Variants in TCF12 observed in about 807,000 individuals in gnomAD.
TCF12 encodes the protein transcription factor 12.
A neutral mutation model predicts 86.0 loss-of-function variants in TCF12; 45 were observed. That is an observed-to-expected ratio of 0.52 (90% CI 0.41 to 0.67). The LOEUF is 0.67. Ranked by LOEUF, TCF12 falls within the 30% of genes least tolerant of loss-of-function variation. The pLI, the probability that TCF12 is intolerant of heterozygous loss-of-function variation, is 0.00. For synonymous variants in TCF12, 330 were observed against 299.6 expected (o/e 1.10, Z -1.05); for missense variants, 881 against 859.9 (o/e 1.02, Z -0.31).
intron 6 of TCF12, among the ~76,000 whole-genome samples, chr15:57,170,791 AAT>A (rs1567560184): frequency 4.5e-5 from 1 of 22,366 alleles, no homozygotes; most frequent in Non-Finnish European, 8.2e-5. Context: ...ATATATATAT[AAT>A]ATATATATAT....
At position 57,170,616 on chromosome 15, in the gene TCF12, G is replaced by T. The variant is rs574994406; in HGVS notation, c.390+4150G>T. Among the ~76,000 whole-genome samples the T allele has an allele frequency of 1.7e-3, 191 of 113,346 alleles. 1 individual carries two copies. Among genetic ancestry groups the T allele is most frequent in the African/African-American group, 7.0e-3 (183 of 26,282 alleles). The allele number at this position is 113,346 out of a possible 152,430, so 74.4% of individuals were successfully genotyped here. A position where few individuals can be genotyped will look rare whatever the true frequency, so the allele number is the denominator to read the frequency against. ...GGGACTGCAGGCATGCAGCCGCCAT[G>T]CCCTGCTAATTTTATATATATATAT... is the stretch of plus-strand genomic sequence containing the variant. On this transcript the variant is annotated intron_variant, in intron 6 of 20. Transcript: ENST00000333725.
chr15:56,945,995 A>T (rs1179702498), intron 3 of TCF12, among the ~76,000 whole-genome samples: 1 of 152,150 alleles, frequency 6.6e-6, no homozygotes, highest in Non-Finnish European at 1.5e-5. Flanking sequence ...TAGCACCTTA[A>T]TGTTGGACTT....
At chr15:57,036,321 T>C (rs2566856) in intron 3 of TCF12, among the ~76,000 whole-genome samples, 27,658 of 152,078 alleles carry the variant, frequency 0.18, 3,026 homozygotes, top group Non-Finnish European at 0.24. Flanking sequence ...AGAGATATTT[T>C]AAAGGGGAGG....
Position 57,197,152 on chromosome 15 carries a change from C to CTTTTTTT in TCF12, c.527-606_527-600dup, listed in dbSNP as rs138145337. On this transcript the variant is annotated intron_variant, in intron 7 of 20. Transcript: ENST00000333725. ...TATAGTACCTGGCACAGAACAGCTT[C>CTTTTTTT]TTTTTTTTTTTTTTTTTTTTTGAGA... Among the ~76,000 whole-genome samples, 77 of 87,238 alleles carry CTTTTTTT rather than the reference C, an allele frequency of 8.8e-4. 2 individuals carry two copies. The highest frequency in any genetic ancestry group is 1.2e-3 in the Non-Finnish European group (58 of 47,216). 57.2% of individuals were successfully genotyped at this position (87,238 alleles called of 152,430 possible).
At chr15:57,170,794 A>G (rs868681181) in intron 6 of TCF12, among the ~76,000 whole-genome samples, 8 of 35,780 alleles carry the variant, frequency 2.2e-4, no homozygotes, top group Admixed American at 7.5e-4. Flanking sequence ...TATATATAAT[A>G]TATATATATA....
At chr15:57,197,623 G>C in intron 7 of TCF12, 150 bp from the exon 8 acceptor site, 1 of 704,368 alleles carries the variant, frequency 1.4e-6, no homozygotes, top group South Asian at 2.0e-5. Flanking sequence ...TAGTTAAAAG[G>C]AATGAAGCCC....
intron 15 of TCF12, 64 bp from the exon 16 acceptor site, chr15:57,253,198 T>C (rs1449859156): frequency 6.4e-7 from 1 of 1,563,616 alleles, no homozygotes; most frequent in Admixed American, 1.7e-5. Flanking sequence ...GTAGGAAACG[T>C]AGCAGTTAAT....
intron 6 of TCF12, among the ~76,000 whole-genome samples, chr15:57,178,840 A>G (rs577901774): frequency 4.6e-5 from 7 of 152,364 alleles, no homozygotes; most frequent in African/African-American, 7.2e-5. Flanking sequence ...ATGGAAGCCT[A>G]TACATTCCTA....
At chr15:57,276,311 A>T (rs1373104969) in intron 19 of TCF12, among the ~76,000 whole-genome samples, 1 of 152,182 alleles carries the variant, frequency 6.6e-6, no homozygotes, top group Non-Finnish European at 1.5e-5. Context: ...GTGCAATGAG[A>T]TGGTTAAATG....
intron 5 of TCF12, among the ~76,000 whole-genome samples, chr15:57,092,746 T>A (rs1460723471): frequency 6.6e-6 from 1 of 152,194 alleles, no homozygotes; most frequent in Non-Finnish European, 1.5e-5. Flanking sequence ...ATAACTGTTT[T>A]TACCAGTTAT....
At chr15:57,257,292 A>C (rs1040331462) in intron 16 of TCF12, among the ~76,000 whole-genome samples, 1 of 152,158 alleles carries the variant, frequency 6.6e-6, no homozygotes, top group Non-Finnish European at 1.5e-5. Flanking sequence ...TGAGAGTTTT[A>C]TTGAAGTAAT....
chr15:57,190,479 T>A (rs2056921432), intron 6 of TCF12, among the ~76,000 whole-genome samples: 1 of 152,132 alleles, frequency 6.6e-6, no homozygotes, highest in Admixed American at 6.6e-5. Context: ...AAATATATGA[T>A]GGGGGATTCG....
At chr15:57,190,662 G>A (rs545883117) in intron 6 of TCF12, among the ~76,000 whole-genome samples, 11 of 152,084 alleles carry the variant, frequency 7.2e-5, no homozygotes, top group East Asian at 1.9e-4. Flanking sequence ...AACTAACCTC[G>A]TTTGTTTTGT....
At chr15:56,939,146 C>G (rs1374218286) in intron 3 of TCF12, among the ~76,000 whole-genome samples, 1 of 152,118 alleles carries the variant, frequency 6.6e-6, no homozygotes, top group African/African-American at 2.4e-5. Context: ...GAAATCTTCC[C>G]CAGCCTTTTC....
intron 3 of TCF12, among the ~76,000 whole-genome samples, chr15:57,020,614 T>C (rs1194282180): frequency 6.6e-6 from 1 of 152,212 alleles, no homozygotes; most frequent in African/African-American, 2.4e-5. Flanking sequence ...TACTCAAAGC[T>C]AATATAACCA....
intron 5 of TCF12, among the ~76,000 whole-genome samples, chr15:57,147,182 A>T (rs2151435490): frequency 6.6e-6 from 1 of 152,350 alleles, no homozygotes; most frequent in East Asian, 1.9e-4. Context: ...AAAGTGAAAT[A>T]AATGCAATCA....
intron 5 of TCF12, among the ~76,000 whole-genome samples, chr15:57,112,740 AGT>A (rs1336854339): frequency 6.6e-6 from 1 of 152,140 alleles, no homozygotes; most frequent in Admixed American, 6.5e-5. Context: ...TGTGCTTAAG[AGT>A]GTGGGAAATA....
intron 5 of TCF12, among the ~76,000 whole-genome samples, chr15:57,128,675 A>AT (rs1276993216): frequency 2.6e-5 from 4 of 152,218 alleles, no homozygotes; most frequent in Non-Finnish European, 5.9e-5. Context: ...CCCCGTACCT[A>AT]TTAGAAGTCA....
intron 3 of TCF12, among the ~76,000 whole-genome samples, chr15:56,939,856 A>G (rs2060646644): frequency 6.6e-6 from 1 of 152,162 alleles, no homozygotes; most frequent in Admixed American, 6.5e-5. Context: ...GATGAGCAAG[A>G]AGTGGCCAAG....
Sources: allele counts gnomAD v4.1 joint callset (sites outside exome capture counted in the v4.1 genomes callset), GRCh38; gene constraint gnomAD v4.1.1; transcripts MANE v1.5; gene names NCBI Gene and HGNC (gene_info 2026-07-23, HGNC 2026-07-21).